The following MAP4K3 variants were observed in gnomAD, a reference collection of about 807,000 sequenced individuals.
The protein encoded by MAP4K3 is mitogen-activated protein kinase kinase kinase kinase 3.
In MAP4K3, 94 loss-of-function variants were observed where a neutral mutation model predicts 143.5. The observed-to-expected ratio is 0.65, with a 90% confidence interval of 0.55 to 0.78. MAP4K3 has a LOEUF of 0.78. Among genes scored for constraint, MAP4K3 ranks in the 30% least tolerant of loss-of-function variants. The pLI, the probability that MAP4K3 is intolerant of heterozygous loss-of-function variation, is 0.00. For synonymous variants in MAP4K3, 416 were observed against 347.2 expected (o/e 1.20, Z -2.20); for missense variants, 1,077 against 1,068.1 (o/e 1.01, Z -0.12).
chr2:39,361,088 A>G (rs1211468550), intron 2 of MAP4K3, among the ~76,000 whole-genome samples: 1 of 152,168 alleles, frequency 6.6e-6, no homozygotes, highest in Admixed American at 6.5e-5. Flanking sequence ...TCTAATTATA[A>G]AACTTGGTTT....
At chr2:39,424,243 C>G (rs1418743675) in intron 1 of MAP4K3, among the ~76,000 whole-genome samples, 1 of 152,140 alleles carries the variant, frequency 6.6e-6, no homozygotes, top group African/African-American at 2.4e-5. Flanking sequence ...CGCGCCCGGC[C>G]TGGTTCATCA....
intron 27 of MAP4K3, 50 bp from the exon 28 acceptor site, chr2:39,265,356 T>C (rs990293342): frequency 9.5e-6 from 10 of 1,050,828 alleles, no homozygotes; most frequent in Admixed American, 5.7e-5. Context: ...AAAGTCATTA[T>C]GACAATAATT....
chr2:39,370,641 C>T (rs1666055247), intron 2 of MAP4K3, among the ~76,000 whole-genome samples: 3 of 152,174 alleles, frequency 2.0e-5, no homozygotes, highest in Admixed American at 1.3e-4. Flanking sequence ...GCATGTTGCT[C>T]TCACGGAAAC....
At chr2:39,287,669 G>C (rs1264034717) in intron 20 of MAP4K3, among the ~76,000 whole-genome samples, 1 of 152,064 alleles carries the variant, frequency 6.6e-6, no homozygotes, top group Non-Finnish European at 1.5e-5. Context: ...TGTTAAAATA[G>C]CACCTTCTAG....
At chr2:39,265,174 G>C in intron 28 of MAP4K3, 29 bp downstream of exon 28, 1 of 1,373,294 alleles carries the variant, frequency 7.3e-7, no homozygotes, top group Non-Finnish European at 1.0e-6. Flanking sequence ...TTTATAGTAA[G>C]AATAAGATAG....
At chr2:39,429,952 T>C (rs1046081509) in intron 1 of MAP4K3, among the ~76,000 whole-genome samples, 3 of 152,234 alleles carry the variant, frequency 2.0e-5, no homozygotes, top group African/African-American at 7.2e-5. Context: ...GGCAATTCAC[T>C]CATGATTCAT....
chr2:39,383,437 A>C (rs796931911), intron 1 of MAP4K3, among the ~76,000 whole-genome samples: 8 of 152,116 alleles, frequency 5.3e-5, no homozygotes, highest in African/African-American at 1.9e-4. Context: ...AGGTTCCTCT[A>C]CAACATGTGG....
At chr2:39,417,170 C>G (rs939162833) in intron 1 of MAP4K3, among the ~76,000 whole-genome samples, 2 of 151,214 alleles carry the variant, frequency 1.3e-5, no homozygotes, top group African/African-American at 4.9e-5. Flanking sequence ...TGAGATTGAG[C>G]AAATTCATAA....
At chr2:39,374,229 A>G (rs1334914786) in intron 2 of MAP4K3, among the ~76,000 whole-genome samples, 2 of 152,156 alleles carry the variant, frequency 1.3e-5, no homozygotes, top group African/African-American at 4.8e-5. Context: ...TAAAAATACA[A>G]AAATTAGCCA....
chr2:39,423,950 AT>A (rs1001837203), intron 1 of MAP4K3, among the ~76,000 whole-genome samples: 9 of 149,276 alleles, frequency 6.0e-5, no homozygotes, highest in African/African-American at 7.3e-5. Context: ...TGGTTCATCA[AT>A]TTTTTTTTTT....
intron 28 of MAP4K3, among the ~76,000 whole-genome samples, chr2:39,264,468 CA>C (rs1680690831): frequency 6.6e-6 from 1 of 152,122 alleles, no homozygotes; most frequent in Non-Finnish European, 1.5e-5. Context: ...AACAGGGAGT[CA>C]ATACTTTAAA....
At chr2:39,271,483 T>C (rs1263661469) in intron 26 of MAP4K3, among the ~76,000 whole-genome samples, 1 of 152,216 alleles carries the variant, frequency 6.6e-6, no homozygotes, top group Non-Finnish European at 1.5e-5. Flanking sequence ...CTAGAAAATC[T>C]TTCAGTCAAT....
chr2:39,405,919 A>T (rs1667081374), intron 1 of MAP4K3, among the ~76,000 whole-genome samples: 2 of 152,132 alleles, frequency 1.3e-5, no homozygotes, highest in African/African-American at 4.8e-5. Flanking sequence ...ATCCTGGAGA[A>T]ACCAAGATAT....
intron 7 of MAP4K3, among the ~76,000 whole-genome samples, chr2:39,333,288 G>T (rs117151020): frequency 6.6e-6 from 1 of 152,182 alleles, no homozygotes; most frequent in East Asian, 1.9e-4. Flanking sequence ...AGAGGTGAAA[G>T]AATTCAGAAA....
At position 39,272,549 on chromosome 2, in the gene MAP4K3, A is replaced by G; in HGVS notation, c.1795-7T>C. On this transcript the variant is annotated splice_polypyrimidine_tract_variant and splice_region_variant and intron_variant, in intron 24 of 33. Coordinates refer to ENST00000263881, the MANE Select transcript of MAP4K3 (RefSeq NM_003618.4). Reference sequence around the variant, plus strand: ...TACACCTTCGAGGGAATAGCTGATTAAAAAAAGGCACAAAGTTTACAAAGA... The same window carrying G: ...TACACCTTCGAGGGAATAGCTGATTGAAAAAAGGCACAAAGTTTACAAAGA... The G allele has an allele frequency of 1.2e-6, 2 of 1,607,260 alleles. No individual in the cohort carries two copies. The highest frequency in any genetic ancestry group is 4.5e-5 in the East Asian group (2 of 44,708).
intron 12 of MAP4K3, among the ~76,000 whole-genome samples, chr2:39,316,456 G>A (rs897569644): frequency 2.6e-5 from 4 of 152,066 alleles, no homozygotes; most frequent in African/African-American, 9.7e-5. Flanking sequence ...GAACAGAGGT[G>A]AACTGGAGAC....
intron 1 of MAP4K3, 69 bp downstream of exon 1, chr2:39,436,823 C>G: frequency 2.2e-6 from 3 of 1,391,028 alleles, no homozygotes; most frequent in Non-Finnish European, 3.0e-6. Flanking sequence ...GCGGCAAGGG[C>G]TCGGACGCCC....
At chr2:39,385,564 A>ATG (rs1666478339) in intron 1 of MAP4K3, among the ~76,000 whole-genome samples, 2 of 13,650 alleles carry the variant, frequency 1.5e-4, no homozygotes, top group African/African-American at 1.9e-4. Flanking sequence ...ATATATATAT[A>ATG]TATATATATA....
rs191760185 is a variant in MAP4K3, at chr2:39,380,768, C to A, written c.97-2645G>T. Among the ~76,000 whole-genome samples, 176 of 152,226 alleles carry A rather than the reference C, an allele frequency of 1.2e-3. 1 individual carries two copies. The highest frequency in any genetic ancestry group is 4.1e-3 in the African/African-American group (170 of 41,536). On this transcript the variant is annotated intron_variant, in intron 1 of 33. Transcript: ENST00000263881. ...AAAGACAAAAATCCAAATTCCCTGT[C>A]AGAGTATTTAAAGCTTTCACTAAAT... is the stretch of plus-strand genomic sequence containing the variant.
Sources: allele counts gnomAD v4.1 joint callset (sites outside exome capture counted in the v4.1 genomes callset), GRCh38; gene constraint gnomAD v4.1.1; transcripts MANE v1.5; gene names NCBI Gene and HGNC (gene_info 2026-07-23, HGNC 2026-07-21).